Variants in MALRD1 observed in about 807,000 individuals in gnomAD.
The protein encoded by MALRD1 is MAM and LDL-receptor class A domain-containing protein 1.
In MALRD1, 247 loss-of-function variants were observed where a neutral mutation model predicts 242.1. That is an observed-to-expected ratio of 1.02 (90% CI 0.92 to 1.13). The LOEUF is 1.13. Ranked by LOEUF, MALRD1 falls within the 50% of genes most tolerant of loss-of-function variation. The pLI, the probability that MALRD1 is intolerant of heterozygous loss-of-function variation, is 0.00. For synonymous variants in MALRD1, 995 were observed against 866.6 expected, an observed-to-expected ratio of 1.15 and a Z score of -2.60; for missense variants, 2,989 against 2,533.1, an observed-to-expected ratio of 1.18 and a Z score of -3.86.
At chr10:19,525,843 G>C (rs570027157) in intron 31 of MALRD1, among the ~76,000 whole-genome samples, 2 of 152,222 alleles carry the variant, frequency 1.3e-5, no homozygotes, top group African/African-American at 4.8e-5. Flanking sequence ...TTAATTGAAT[G>C]CATTCTGATC....
chr10:19,335,029 T>C (rs1031895411), intron 24 of MALRD1, among the ~76,000 whole-genome samples: 2 of 152,116 alleles, frequency 1.3e-5, no homozygotes, highest in African/African-American at 2.4e-5. Context: ...GAACGTATGC[T>C]GATTTACCAA....
intron 26 of MALRD1, among the ~76,000 whole-genome samples, chr10:19,362,230 T>G (rs1236726395): frequency 6.6e-6 from 1 of 152,150 alleles, no homozygotes; most frequent in Non-Finnish European, 1.5e-5. Context: ...AATACTTGAA[T>G]TTCTTATACC....
In MALRD1 at chr10:19,553,559, A is replaced by C. The variant is rs1358921408; in HGVS notation, c.5479-13943A>C. Among the ~76,000 whole-genome samples the C allele has an allele frequency of 3.9e-5, 6 of 152,284 alleles. No homozygotes were observed. The East Asian group carries it at 1.2e-3, about 29-fold the overall frequency. On this transcript the variant is annotated intron_variant, in intron 32 of 39. Transcript: ENST00000454679. Reference sequence around the variant, plus strand: ...TGTTTAAATCCCCTATTTAAATTGAAACCTGGGGCTTTTTGTTATTCAGAA... The same window carrying C: ...TGTTTAAATCCCCTATTTAAATTGACACCTGGGGCTTTTTGTTATTCAGAA...
intron 31 of MALRD1, among the ~76,000 whole-genome samples, chr10:19,526,015 T>C (rs767505307): frequency 6.6e-6 from 1 of 152,192 alleles, no homozygotes; most frequent in Non-Finnish European, 1.5e-5. Context: ...GTTGGTTTAA[T>C]GATTTACCAT....
intron 26 of MALRD1, among the ~76,000 whole-genome samples, chr10:19,354,965 A>G (rs1343101334): frequency 6.6e-6 from 1 of 152,342 alleles, no homozygotes; most frequent in South Asian, 2.1e-4. Context: ...AGTGAAAAAT[A>G]AAACATTCAG....
intron 20 of MALRD1, 122 bp from the exon 21 acceptor site, chr10:19,282,897 T>A: frequency 1.5e-6 from 1 of 683,636 alleles, no homozygotes; most frequent in Non-Finnish European, 2.1e-6. Flanking sequence ...GCCTAATTAT[T>A]TTAATAATGT....
intron 13 of MALRD1, among the ~76,000 whole-genome samples, chr10:19,170,303 C>G (rs374043716): frequency 1.5e-3 from 228 of 152,166 alleles, no homozygotes; most frequent in African/African-American, 4.9e-3. Context: ...TTTCTTTTCC[C>G]CCTAACTATT....
rs151108654 is a variant in MALRD1, at chr10:19,587,199, C to T, written c.5681-7995C>T. Among the ~76,000 whole-genome samples the T allele has an allele frequency of 1.2e-4, 19 of 152,362 alleles. No homozygotes were observed. The East Asian group carries it at 2.3e-3, about 19-fold the overall frequency. On this transcript the variant is annotated intron_variant, in intron 33 of 39. Coordinates refer to ENST00000454679, the MANE Select transcript of MALRD1 (RefSeq NM_001142308.3). ...AATCACCCATCTTCTGCGTCACTCACGCTAGGAGCTGTAGACCGGAGCTGT... is the reference window on the plus strand; with the variant it reads ...AATCACCCATCTTCTGCGTCACTCATGCTAGGAGCTGTAGACCGGAGCTGT...
chr10:19,587,886 A>T (rs1309246149), intron 33 of MALRD1, among the ~76,000 whole-genome samples: 1 of 149,702 alleles, frequency 6.7e-6, no homozygotes, highest in East Asian at 2.0e-4. Flanking sequence ...CCGAAATGCC[A>T]GTTCCTAAAT....
chr10:19,483,069 C>G (rs947157412), intron 29 of MALRD1, among the ~76,000 whole-genome samples: 1 of 151,932 alleles, frequency 6.6e-6, no homozygotes, highest in African/African-American at 2.4e-5. Flanking sequence ...TTAACCAAAA[C>G]AGCATGGTAC....
intron 31 of MALRD1, among the ~76,000 whole-genome samples, chr10:19,508,031 A>G (rs1337523779): frequency 6.6e-6 from 1 of 150,670 alleles, no homozygotes; most frequent in East Asian, 2.0e-4. Flanking sequence ...GAAAGTCAAT[A>G]TGAAGCATTA....
intron 28 of MALRD1, among the ~76,000 whole-genome samples, chr10:19,390,774 G>T (rs1846305265): frequency 2.6e-5 from 4 of 152,034 alleles, no homozygotes; most frequent in Admixed American, 2.0e-4. Flanking sequence ...GCTTATGTCT[G>T]CAGAGTCTAT....
intron 33 of MALRD1, among the ~76,000 whole-genome samples, chr10:19,587,753 T>C (rs1837512261): frequency 6.6e-6 from 1 of 151,896 alleles, no homozygotes; most frequent in Non-Finnish European, 1.5e-5. Flanking sequence ...ATCAGAGAGA[T>C]GTCTTGGTTA....
intron 14 of MALRD1, among the ~76,000 whole-genome samples, chr10:19,180,593 T>A (rs576684578): frequency 6.6e-6 from 1 of 152,268 alleles, no homozygotes; most frequent in South Asian, 2.1e-4. Context: ...AGTCCTAAAT[T>A]TAAGACCTGA....
intron 36 of MALRD1, among the ~76,000 whole-genome samples, chr10:19,629,665 A>C (rs1475120572): frequency 2.0e-5 from 3 of 152,060 alleles, no homozygotes; most frequent in Admixed American, 6.6e-5. Context: ...TGGCCAACGC[A>C]CTCTACTGAA....
chr10:19,118,225 G>A (rs1210134512), intron 5 of MALRD1, among the ~76,000 whole-genome samples: 1 of 152,146 alleles, frequency 6.6e-6, no homozygotes, highest in African/African-American at 2.4e-5. Flanking sequence ...GACAAAAAGA[G>A]TCAAGCTCTG....
chr10:19,547,823 T>TATATATATATATAAA (rs1835303838), intron 32 of MALRD1, among the ~76,000 whole-genome samples: 1 of 47,614 alleles, frequency 2.1e-5, no homozygotes, highest in East Asian at 7.4e-4. Context: ...TATATATTTT[T>TATATATATATATAAA]TTTTTTTTTT....
intron 18 of MALRD1, among the ~76,000 whole-genome samples, chr10:19,217,202 T>C (rs1252675676): frequency 1.3e-5 from 2 of 152,146 alleles, no homozygotes; most frequent in Admixed American, 6.5e-5. Context: ...AACCCATTGG[T>C]GGCTTTCCAT....
intron 38 of MALRD1, chr10:19,710,538 TAC>T (rs1175412835): frequency 1.3e-5 from 2 of 151,428 alleles, no homozygotes; most frequent in Non-Finnish European, 3.0e-5. Flanking sequence ...TTGGTGTGTA[TAC>T]ACATGTTTGT....
Sources: gnomAD v4.1 joint callset for allele counts (sites outside exome capture counted in the v4.1 genomes callset) on GRCh38, gnomAD v4.1.1 for gene constraint, MANE v1.5 for transcripts, NCBI Gene and HGNC (gene_info 2026-07-23, HGNC 2026-07-21) for gene names.